Variants in MAGI1 observed in about 807,000 individuals in gnomAD.
The protein encoded by MAGI1 is membrane-associated guanylate kinase, WW and PDZ domain-containing protein 1.
MAGI1 carries 58 observed loss-of-function variants against 139.9 expected under a neutral mutation model. The observed-to-expected ratio is 0.41, with a 90% CI of 0.34 to 0.52. MAGI1 has a LOEUF of 0.52. MAGI1 is among the 20% of genes least tolerant of loss of function. The pLI is 0.12. For synonymous variants in MAGI1, 812 were observed against 737.9 expected (o/e 1.10, Z -1.63); for missense variants, 1,874 against 1,901.6 (o/e 0.99, Z 0.27).
intron 1 of MAGI1, among the ~76,000 whole-genome samples, chr3:65,716,284 G>A (rs901239796): frequency 6.6e-5 from 10 of 152,128 alleles, no homozygotes; most frequent in Admixed American, 3.9e-4. Flanking sequence ...AATCCCAAAG[G>A]GATTTGTGTA....
At chr3:65,807,494 C>A (rs2040936743) in intron 1 of MAGI1, among the ~76,000 whole-genome samples, 1 of 152,132 alleles carries the variant, frequency 6.6e-6, no homozygotes, top group African/African-American at 2.4e-5. Context: ...CAACACGATT[C>A]CGGGGCAGGA....
intron 2 of MAGI1, among the ~76,000 whole-genome samples, chr3:65,574,241 G>A (rs11712180): frequency 6.7e-6 from 1 of 148,660 alleles, no homozygotes; most frequent in East Asian, 2.0e-4. Flanking sequence ...ATATATATAT[G>A]TATATATATA....
At chr3:65,580,910 A>T in intron 2 of MAGI1, among the ~76,000 whole-genome samples, 1 of 152,158 alleles carries the variant, frequency 6.6e-6, no homozygotes, top group Non-Finnish European at 1.5e-5. Flanking sequence ...AAATACCCAG[A>T]GTTAAACAAT....
At chr3:65,549,077 C>T (rs1393449633) in intron 2 of MAGI1, among the ~76,000 whole-genome samples, 1 of 152,116 alleles carries the variant, frequency 6.6e-6, no homozygotes, top group Non-Finnish European at 1.5e-5. Context: ...GCAGCCAAGG[C>T]GGCCCCTGCT....
intron 1 of MAGI1, among the ~76,000 whole-genome samples, chr3:65,680,440 A>G (rs2087499880): frequency 6.6e-6 from 1 of 152,178 alleles, no homozygotes; most frequent in Non-Finnish European, 1.5e-5. Flanking sequence ...ATTTAAAGAC[A>G]GTCTCTTGCT....
At chr3:65,785,480 CAG>C (rs1002538268) in intron 1 of MAGI1, among the ~76,000 whole-genome samples, 1 of 152,172 alleles carries the variant, frequency 6.6e-6, no homozygotes, top group African/African-American at 2.4e-5. Flanking sequence ...ACTTCAGTAA[CAG>C]AAACTACGGA....
At chr3:65,737,495 T>C (rs1463113002) in intron 1 of MAGI1, among the ~76,000 whole-genome samples, 2 of 152,240 alleles carry the variant, frequency 1.3e-5, no homozygotes, top group Non-Finnish European at 2.9e-5. Context: ...AATCCAGCAA[T>C]GTGCTAAATA....
intron 1 of MAGI1, among the ~76,000 whole-genome samples, chr3:65,806,482 G>C (rs1178311700): frequency 6.6e-6 from 1 of 151,758 alleles, no homozygotes; most frequent in Non-Finnish European, 1.5e-5. Flanking sequence ...GGCAAACGCC[G>C]AGCTGTAACC....
intron 18 of MAGI1, among the ~76,000 whole-genome samples, chr3:65,375,053 G>A (rs960447107): frequency 3.3e-5 from 5 of 152,204 alleles, no homozygotes; most frequent in Admixed American, 6.5e-5. Context: ...GTTTTCTCAT[G>A]TCACCATATA....
At chr3:65,548,774 C>T (rs2079651269) in intron 2 of MAGI1, among the ~76,000 whole-genome samples, 1 of 152,102 alleles carries the variant, frequency 6.6e-6, no homozygotes, top group South Asian at 2.1e-4. Flanking sequence ...CCACCCAACT[C>T]GGTCTCCCAA....
At chr3:65,684,506 T>C (rs2087851190) in intron 1 of MAGI1, among the ~76,000 whole-genome samples, 1 of 152,148 alleles carries the variant, frequency 6.6e-6, no homozygotes, top group Admixed American at 6.6e-5. Context: ...TGTCAGGAAT[T>C]TGAAGGGAGC....
chr3:65,872,192 G>C (rs2059962056), intron 1 of MAGI1, among the ~76,000 whole-genome samples: 1 of 152,174 alleles, frequency 6.6e-6, no homozygotes, highest in South Asian at 2.1e-4. Context: ...GTAAATGTGA[G>C]CTGTTACTTT....
At chr3:65,459,846 C>T (rs1949654410) in intron 5 of MAGI1, among the ~76,000 whole-genome samples, 1 of 152,070 alleles carries the variant, frequency 6.6e-6, no homozygotes, top group Non-Finnish European at 1.5e-5. Context: ...ATCACCTGAG[C>T]TCAGAGAAGT....
In MAGI1 at chr3:65,760,404, T is replaced by C. The variant is rs552686484; in HGVS notation, c.314-138316A>G. 3.8e-4 allele frequency among the ~76,000 whole-genome samples: 56 copies of C among 147,552 alleles called. 1 individual carries two copies. In the South Asian group the frequency reaches 0.01, roughly 27 times the overall value. ...AGAGCGGTAATTTTTTTTTTTTTTT[T>C]AAGAGATGGGGTCTTGTTCTGTCAC... On this transcript the variant is annotated intron_variant, in intron 1 of 22. Transcript: ENST00000402939.
At chr3:65,492,877 G>C (rs868162528) in intron 3 of MAGI1, among the ~76,000 whole-genome samples, 16 of 152,060 alleles carry the variant, frequency 1.1e-4, no homozygotes, top group Non-Finnish European at 1.9e-4. Flanking sequence ...AGGAGATCGA[G>C]ACGATCCTGG....
At chr3:65,845,993 CT>C (rs762731266) in intron 1 of MAGI1, among the ~76,000 whole-genome samples, 1 of 152,174 alleles carries the variant, frequency 6.6e-6, no homozygotes, top group Non-Finnish European at 1.5e-5. Context: ...AAGCTTAAAT[CT>C]TTCTTTTATA....
intron 2 of MAGI1, among the ~76,000 whole-genome samples, chr3:65,549,115 G>A (rs577973217): frequency 1.3e-5 from 2 of 152,216 alleles, no homozygotes; most frequent in South Asian, 4.1e-4. Context: ...GGCGCGGGCC[G>A]AGATGCTCGC....
chr3:65,699,739 A>AG (rs1480412252), intron 1 of MAGI1, among the ~76,000 whole-genome samples: 2 of 75,274 alleles, frequency 2.7e-5, no homozygotes, highest in African/African-American at 1.1e-4. Flanking sequence ...GGGTGGGGGG[A>AG]GGGGGGAGGG....
chr3:65,836,978 G>A (rs1403667240), intron 1 of MAGI1, among the ~76,000 whole-genome samples: 1 of 152,062 alleles, frequency 6.6e-6, no homozygotes, highest in Non-Finnish European at 1.5e-5. Flanking sequence ...ATAATAACAA[G>A]AATAATGCCA....
Sources: allele counts gnomAD v4.1 joint callset (sites outside exome capture counted in the v4.1 genomes callset), GRCh38; gene constraint gnomAD v4.1.1; transcripts MANE v1.5; gene names NCBI Gene and HGNC (gene_info 2026-07-23, HGNC 2026-07-21).